The following EPYC variants were observed in gnomAD, a reference collection of about 807,000 sequenced individuals.
The protein encoded by EPYC is epiphycan.
A neutral mutation model predicts 30.1 loss-of-function variants in EPYC; 28 were observed. The ratio of observed to expected loss-of-function variants is 0.93; its 90% CI spans 0.69 to 1.28. The LOEUF (loss-of-function observed/expected upper bound fraction) is 1.28. Ranked by LOEUF, EPYC falls within the 50% of genes most tolerant of loss-of-function variation. The pLI, the probability that EPYC is intolerant of heterozygous loss-of-function variation, is 0.00. For synonymous variants in EPYC, 144 were observed against 141.4 expected, an observed-to-expected ratio of 1.02 and a Z score of -0.13; for missense variants, 382 against 383.5, an observed-to-expected ratio of 1.00 and a Z score of 0.03.
intron 2 of EPYC, among the ~76,000 whole-genome samples, chr12:90,990,306 A>G (rs1341590907): frequency 6.6e-6 from 1 of 152,078 alleles, no homozygotes; most frequent in African/African-American, 2.4e-5. Context: ...TAAAACTAGT[A>G]TTTATACATA....
At chr12:90,975,370 G>A (rs981546675) in intron 3 of EPYC, among the ~76,000 whole-genome samples, 3 of 151,708 alleles carry the variant, frequency 2.0e-5, no homozygotes, top group East Asian at 1.9e-4. Flanking sequence ...TATATTACAC[G>A]GTTTTAGAAT....
chr12:90,983,898 T>C (rs1877383630), intron 2 of EPYC, among the ~76,000 whole-genome samples: 2 of 152,120 alleles, frequency 1.3e-5, no homozygotes, highest in Admixed American at 1.3e-4. Context: ...AAAGCCCCAT[T>C]GGAGGGGGTT....
chr12:90,973,364 T>G (rs924927661), intron 3 of EPYC, among the ~76,000 whole-genome samples: 2 of 152,134 alleles, frequency 1.3e-5, no homozygotes, highest in Non-Finnish European at 2.9e-5. Context: ...TAAAAGATAA[T>G]AATTATTAAT....
chr12:90,964,439 T>C, intron 6 of EPYC, 113 bp from the exon 7 acceptor site: 1 of 711,962 alleles, frequency 1.4e-6, no homozygotes, highest in Non-Finnish European at 2.2e-6. Flanking sequence ...TTTTCCTCAA[T>C]CAAAATTACT....
chr12:90,969,001 A>ACATATGTCTGTATATATGT (rs1876967768), intron 6 of EPYC, among the ~76,000 whole-genome samples: 1 of 150,916 alleles, frequency 6.6e-6, no homozygotes, highest in South Asian at 2.1e-4. Flanking sequence ...AGACATATAT[A>ACATATGTCTGTATATATGT]CATATATATA....
chr12:90,967,092 T>G (rs1443209319), intron 6 of EPYC, among the ~76,000 whole-genome samples: 2 of 152,100 alleles, frequency 1.3e-5, no homozygotes, highest in Non-Finnish European at 2.9e-5. Context: ...ATTATTTTTC[T>G]ATTATATATT....
intron 5 of EPYC, among the ~76,000 whole-genome samples, chr12:90,971,541 C>T (rs1215285326): frequency 2.0e-5 from 3 of 151,660 alleles, no homozygotes; most frequent in African/African-American, 4.8e-5. Flanking sequence ...CATGGTGACA[C>T]GCATCTTGTA....
At chr12:90,970,816 C>A (rs1433566355) in intron 5 of EPYC, among the ~76,000 whole-genome samples, 4 of 152,156 alleles carry the variant, frequency 2.6e-5, no homozygotes, top group African/African-American at 9.7e-5. Context: ...GGTTATGAGG[C>A]CACACTATCC....
intron 2 of EPYC, among the ~76,000 whole-genome samples, chr12:91,002,171 T>C (rs571052667): frequency 3.8e-5 from 4 of 105,202 alleles, no homozygotes; most frequent in African/African-American, 1.5e-4. Context: ...GTCTGGGAGA[T>C]GGAGCAAGAC....
rs756349998 is a variant in EPYC, at chr12:90,972,844, G to A, written c.477C>T (p.Asn159=). 1.2e-6 allele frequency: 2 copies of A among 1,613,354 alleles called. No individual in the cohort carries two copies. Among genetic ancestry groups the A allele is most frequent in the Admixed American group, 1.7e-5 (1 of 59,934 alleles). ...TACTTAGGCTTGCAAAGTCATTTTT[G>A]TTGATCTTTTTAATTCTGTTAAAGC... ...YSRFNRIKKI[N]KNDFASLSDL... The change falls in exon 4 of 7, where the codon AAC becomes AAT. Residue 159 remains asparagine (N), a synonymous_variant. Coordinates refer to ENST00000261172, the MANE Select transcript of EPYC (RefSeq NM_004950.5).
At chr12:90,997,024 C>T (rs1032950033) in intron 2 of EPYC, among the ~76,000 whole-genome samples, 1 of 151,958 alleles carries the variant, frequency 6.6e-6, no homozygotes, top group African/African-American at 2.4e-5. Flanking sequence ...GCCATAATGA[C>T]AAGCACACTC....
Position 90,963,822 on chromosome 12 carries a change from T to C in EPYC, c.*334A>G, listed in dbSNP as rs77960754. On this transcript the variant is annotated 3_prime_UTR_variant, in exon 7 of 7. Coordinates refer to ENST00000261172, the MANE Select transcript of EPYC (RefSeq NM_004950.5). ...GGCAAAAATACCTAAAGTGTTCATT[T>C]CAAAATTTTACTTTATTATGTACTT... 0.014 allele frequency: 2,366 copies of C among 166,212 alleles called. 30 individuals carry two copies. Among genetic ancestry groups the C allele is most frequent in the Middle Eastern group, 0.027 (10 of 376 alleles). 10.3% of individuals were successfully genotyped at this position (166,212 alleles called of 1,614,324 possible). A position where few individuals can be genotyped will look rare whatever the true frequency, so the allele number is the denominator to read the frequency against.
chr12:91,004,462 T>C (rs777959517), intron 1 of EPYC, among the ~76,000 whole-genome samples: 1 of 152,096 alleles, frequency 6.6e-6, no homozygotes, highest in Non-Finnish European at 1.5e-5. Context: ...GTTCACTTTA[T>C]ACCATTTATT....
intron 2 of EPYC, among the ~76,000 whole-genome samples, chr12:90,992,777 C>G (rs1877614876): frequency 6.6e-6 from 1 of 152,146 alleles, no homozygotes; most frequent in African/African-American, 2.4e-5. Context: ...TCAGAATGAT[C>G]TGGCTTGTTC....
chr12:90,982,308 A>G lies in EPYC; in HGVS notation c.166-4046T>C, dbSNP rs188122510. 2.4e-3 allele frequency among the ~76,000 whole-genome samples: 362 copies of G among 152,206 alleles called. 6 individuals carry two copies. Among genetic ancestry groups the G allele is most frequent in the Admixed American group, 0.022 (333 of 15,268 alleles). On this transcript the variant is annotated intron_variant, in intron 2 of 6. Transcript: ENST00000261172. ...AGCTTTATGGAGATGTAATTCATAT[A>G]TTATACAGTTCATCTTTTAAAGTAT... is the stretch of plus-strand genomic sequence containing the variant.
intron 2 of EPYC, among the ~76,000 whole-genome samples, chr12:90,995,726 C>T (rs1176184438): frequency 1.3e-5 from 2 of 151,696 alleles, no homozygotes; most frequent in Non-Finnish European, 2.9e-5. Context: ...TCCCAATGAG[C>T]CTACATGATT....
chr12:90,992,093 T>C (rs1303163151), intron 2 of EPYC, among the ~76,000 whole-genome samples: 1 of 152,184 alleles, frequency 6.6e-6, no homozygotes, highest in African/African-American at 2.4e-5. Flanking sequence ...CCACTAGGGA[T>C]GGTTTCAGGA....
At chr12:90,964,785 A>G (rs1876854669) in intron 6 of EPYC, among the ~76,000 whole-genome samples, 1 of 152,132 alleles carries the variant, frequency 6.6e-6, no homozygotes, top group African/African-American at 2.4e-5. Context: ...TCAACATTCG[A>G]CATTCAAGTC....
At chr12:90,982,113 A>T (rs955502412) in intron 2 of EPYC, among the ~76,000 whole-genome samples, 2 of 152,194 alleles carry the variant, frequency 1.3e-5, no homozygotes, top group African/African-American at 4.8e-5. Flanking sequence ...TTATTTGTCA[A>T]TGTTGTTTTC....
Sources: allele counts gnomAD v4.1 joint callset (sites outside exome capture counted in the v4.1 genomes callset), GRCh38; gene constraint gnomAD v4.1.1; transcripts MANE v1.5; gene names NCBI Gene and HGNC (gene_info 2026-07-23, HGNC 2026-07-21).